Variants in SORCS2 observed in about 807,000 individuals in gnomAD.
SORCS2 encodes the protein sortilin related VPS10 domain containing receptor 2.
In SORCS2, 100 loss-of-function variants were observed where a neutral mutation model predicts 141.6. That is an observed-to-expected ratio of 0.71 (90% CI 0.60 to 0.83). SORCS2 has a LOEUF of 0.83. SORCS2 is among the 40% of genes least tolerant of loss of function. The pLI is 0.00. For synonymous variants in SORCS2, 789 were observed against 676.9 expected (o/e 1.17, Z -2.57); for missense variants, 1,646 against 1,560.2 (o/e 1.05, Z -0.93).
intron 2 of SORCS2, among the ~76,000 whole-genome samples, chr4:7,414,111 C>T (rs1193641931): frequency 1.3e-5 from 2 of 152,202 alleles, no homozygotes; most frequent in Non-Finnish European, 2.9e-5. Flanking sequence ...GACAAGGATA[C>T]GCTTGCTATT....
intron 7 of SORCS2, among the ~76,000 whole-genome samples, chr4:7,665,886 A>G (rs565168382): frequency 7.6e-4 from 115 of 152,256 alleles, no homozygotes; most frequent in African/African-American, 2.6e-3. Flanking sequence ...GAGCTCACCT[A>G]TGGCCGAGCA....
At chr4:7,632,599 G>A (rs193284798) in intron 3 of SORCS2, among the ~76,000 whole-genome samples, 20 of 152,242 alleles carry the variant, frequency 1.3e-4, no homozygotes, top group East Asian at 1.9e-4. Context: ...TCTCGCCTCC[G>A]TGTCACCACC....
At chr4:7,217,900 T>C (rs566932403) in intron 1 of SORCS2, among the ~76,000 whole-genome samples, 1 of 151,998 alleles carries the variant, frequency 6.6e-6, no homozygotes, top group Admixed American at 6.5e-5. Context: ...GGGTCGAGAG[T>C]CCAGGAGAGG....
rs115326923 is a variant in SORCS2, at chr4:7,274,160, A to C, written c.480+81034A>C. On this transcript the variant is annotated intron_variant, in intron 1 of 26. Transcript: ENST00000507866. The stretch of plus-strand genomic sequence containing the variant: ...GCATCCAGTCTGTCCAGCTAGCCCA[A>C]AAACAGATCCGGCTGGACAGACGTT... Among the ~76,000 whole-genome samples the C allele has an allele frequency of 6.4e-3, 975 of 152,288 alleles. 11 individuals are homozygous for C. The highest frequency in any genetic ancestry group is 0.022 in the African/African-American group (934 of 41,564).
intron 1 of SORCS2, among the ~76,000 whole-genome samples, chr4:7,362,717 T>TAACACCAGCACTATCACCATCATC (rs1178583945): frequency 6.6e-6 from 1 of 151,636 alleles, no homozygotes; most frequent in African/African-American, 2.4e-5. Flanking sequence ...CCACCATCAT[T>TAACACCAGCACTATCACCATCATC]ACCACCAGCA....
In SORCS2 at chr4:7,723,929, G is replaced by A. The variant is rs762325558; in HGVS notation, c.2611+46G>A. ...AGGCCAAAGGTCACTCCCTTTGAGA[G>A]AGAGAACCTGGCTTTGGGGGAAACA... On this transcript the variant is annotated intron_variant, in intron 19 of 26. Transcript: ENST00000507866. 47 of 1,518,222 alleles carry A rather than the reference G, an allele frequency of 3.1e-5. No individual in the cohort carries two copies. The South Asian group carries it at 4.9e-4, about 16-fold the overall frequency. 94.0% of individuals were successfully genotyped at this position (1,518,222 alleles called of 1,614,324 possible).
At chr4:7,729,236 G>T (rs1284461304) in intron 22 of SORCS2, among the ~76,000 whole-genome samples, 1 of 152,196 alleles carries the variant, frequency 6.6e-6, no homozygotes, top group Non-Finnish European at 1.5e-5. Flanking sequence ...GACCTGGAAT[G>T]GTGTGGTAAG....
chr4:7,294,667 CCCTCCTCCT>C (rs138190603), intron 1 of SORCS2, among the ~76,000 whole-genome samples: 7 of 94,048 alleles, frequency 7.4e-5, no homozygotes, highest in African/African-American at 2.8e-4. Context: ...CTCTTCCTCT[CCCTCCTCCT>C]CCTCCTCCTC....
chr4:7,623,907 C>T (rs569233213), intron 3 of SORCS2, among the ~76,000 whole-genome samples: 1 of 152,176 alleles, frequency 6.6e-6, no homozygotes, highest in Non-Finnish European at 1.5e-5. Context: ...CAGCGCGCGT[C>T]CCATATCCAC....
chr4:7,214,095 T>C (rs573371386), intron 1 of SORCS2, among the ~76,000 whole-genome samples: 2 of 152,294 alleles, frequency 1.3e-5, no homozygotes, highest in African/African-American at 4.8e-5. Context: ...GCTCCTCTTG[T>C]CTTCCAAAAA....
chr4:7,262,680 G>C (rs1714442072), intron 1 of SORCS2, among the ~76,000 whole-genome samples: 1 of 152,248 alleles, frequency 6.6e-6, no homozygotes, highest in Non-Finnish European at 1.5e-5. Context: ...TCTGAGGAGG[G>C]GGCTGGGAGT....
chr4:7,615,663 CT>C (rs754330374), intron 3 of SORCS2, among the ~76,000 whole-genome samples: 5 of 152,218 alleles, frequency 3.3e-5, no homozygotes, highest in South Asian at 2.1e-4. Context: ...CCCAACTGTT[CT>C]TCATCCTTCC....
intron 1 of SORCS2, among the ~76,000 whole-genome samples, chr4:7,206,593 C>T: frequency 6.6e-6 from 1 of 152,108 alleles, no homozygotes; most frequent in East Asian, 1.9e-4. Flanking sequence ...GCCAGAGAGA[C>T]AGACAGATTT....
At chr4:7,576,698 G>A (rs1715773846) in intron 3 of SORCS2, among the ~76,000 whole-genome samples, 1 of 152,180 alleles carries the variant, frequency 6.6e-6, no homozygotes, top group Non-Finnish European at 1.5e-5. Flanking sequence ...TGTGGAAAAC[G>A]AAGCTACTGT....
intron 1 of SORCS2, among the ~76,000 whole-genome samples, chr4:7,222,541 A>G (rs1728771723): frequency 6.6e-6 from 1 of 152,004 alleles, no homozygotes; most frequent in South Asian, 2.1e-4. Flanking sequence ...TCTAAAATGG[A>G]CTGGTGGTGT....
chr4:7,282,212 G>A (rs1021766711), intron 1 of SORCS2, among the ~76,000 whole-genome samples: 15 of 152,306 alleles, frequency 9.8e-5, no homozygotes, highest in African/African-American at 2.9e-4. Flanking sequence ...TGCTGTTACC[G>A]TCTCTCTGGC....
chr4:7,516,290 G>A (rs534192745), intron 2 of SORCS2, among the ~76,000 whole-genome samples: 2 of 152,144 alleles, frequency 1.3e-5, no homozygotes, highest in South Asian at 2.1e-4. Context: ...CCAGCTGGGC[G>A]TGGGGAGGGA....
chr4:7,473,250 G>A (rs539558516), intron 2 of SORCS2, among the ~76,000 whole-genome samples: 1 of 152,166 alleles, frequency 6.6e-6, no homozygotes, highest in Non-Finnish European at 1.5e-5. Flanking sequence ...GGCTGCAGCC[G>A]GGAGCCTGCG....
intron 4 of SORCS2, among the ~76,000 whole-genome samples, chr4:7,643,324 T>C (rs1197863908): frequency 1.3e-5 from 2 of 152,208 alleles, no homozygotes; most frequent in African/African-American, 2.4e-5. Flanking sequence ...TGGGGGCTGC[T>C]GACATGAAAC....
Sources: allele counts gnomAD v4.1 joint callset (sites outside exome capture counted in the v4.1 genomes callset), GRCh38; gene constraint gnomAD v4.1.1; transcripts MANE v1.5; gene names NCBI Gene and HGNC (gene_info 2026-07-23, HGNC 2026-07-21).